Variants in PRMT8 observed in about 807,000 individuals in gnomAD.
PRMT8 encodes the protein protein arginine N-methyltransferase 8.
A neutral mutation model predicts 47.1 loss-of-function variants in PRMT8; 7 were observed. That is an observed-to-expected ratio of 0.15 (90% CI 0.08 to 0.28). The LOEUF (loss-of-function observed/expected upper bound fraction) is 0.28. Ranked by LOEUF, PRMT8 falls within the 10% of genes least tolerant of loss-of-function variation. The probability of loss-of-function intolerance (pLI) is 1.00; values close to 1 mark genes in which losing one functional copy is unlikely to be tolerated. For missense variants in PRMT8, 237 were observed against 505.4 expected (o/e 0.47, Z 5.09); for synonymous variants, 188 against 186.5 (o/e 1.01, Z -0.07).
intron 1 of PRMT8, among the ~76,000 whole-genome samples, chr12:3,387,718 G>A (rs1591535309): frequency 6.6e-6 from 1 of 152,210 alleles, no homozygotes; most frequent in Non-Finnish European, 1.5e-5. Context: ...GCAAACAGCT[G>A]GGAAGAATAT....
At chr12:3,543,646 T>C (rs1014413619) in intron 2 of PRMT8, among the ~76,000 whole-genome samples, 4 of 152,166 alleles carry the variant, frequency 2.6e-5, no homozygotes, top group East Asian at 1.9e-4. Flanking sequence ...CAGGGGACTA[T>C]TGGGGCTGGA....
At chr12:3,410,127 A>G (rs996738422) in intron 1 of PRMT8, among the ~76,000 whole-genome samples, 1 of 152,176 alleles carries the variant, frequency 6.6e-6, no homozygotes, top group African/African-American at 2.4e-5. Flanking sequence ...CAGCACCATA[A>G]AACTGCCAAA....
intron 1 of PRMT8, among the ~76,000 whole-genome samples, chr12:3,518,488 C>T (rs1005109904): frequency 7.3e-5 from 11 of 151,694 alleles, no homozygotes; most frequent in African/African-American, 2.7e-4. Flanking sequence ...ATTTTTGTAC[C>T]TGGGCTAAGG....
At chr12:3,489,880 C>CATCCTTCTCA (rs1865361106), upstream of PRMT8, among the ~76,000 whole-genome samples, 1 of 151,874 alleles carries the variant, frequency 6.6e-6, no homozygotes, top group Non-Finnish European at 1.5e-5. Flanking sequence ...GCTACATTTT[C>CATCCTTCTCA]ATCCTTCTCA....
intron 1 of PRMT8, among the ~76,000 whole-genome samples, chr12:3,441,435 C>T (rs901746670): frequency 2.0e-5 from 3 of 152,210 alleles, no homozygotes; most frequent in Admixed American, 6.5e-5. Flanking sequence ...AGCCAACCTC[C>T]CCTTCCTTTG....
intron 1 of PRMT8, among the ~76,000 whole-genome samples, chr12:3,464,391 A>T: frequency 6.6e-6 from 1 of 152,144 alleles, no homozygotes; most frequent in East Asian, 1.9e-4. Flanking sequence ...GCAGTGTCAC[A>T]CTTTCTTCAA....
chr12:3,426,247 G>C (rs1458492566), intron 1 of PRMT8, among the ~76,000 whole-genome samples: 1 of 152,222 alleles, frequency 6.6e-6, no homozygotes, highest in African/African-American at 2.4e-5. Context: ...CAGAGTATTT[G>C]ATCCATTCCA....
chr12:3,538,664 T>C lies in PRMT8; in HGVS notation c.76-1942T>C, dbSNP rs1397400850. The C allele has an allele frequency of 1.9e-6, 1 of 518,532 alleles. No individual in the cohort carries two copies. Among genetic ancestry groups the C allele is most frequent in the African/African-American group, 1.9e-5 (1 of 51,852 alleles). 32.1% of individuals were successfully genotyped at this position (518,532 alleles called of 1,614,324 possible). A position where few individuals can be genotyped will look rare whatever the true frequency, so the allele number is the denominator to read the frequency against. On this transcript the variant is annotated intron_variant, in intron 1 of 9. Coordinates refer to ENST00000382622, the MANE Select transcript of PRMT8 (RefSeq NM_019854.5). The surrounding 1 kb of genome is among the most constrained non-coding windows in gnomAD (Gnocchi z 4.6). ...CCTTCACATATTTAAATGGAGTCGA[T>C]ATTGGGGTCAGCTTCATGCACGGAG...
At chr12:3,381,545 G>A in intron 1 of PRMT8, 1 of 1,094,756 alleles carries the variant, frequency 9.1e-7, no homozygotes, top group Non-Finnish European at 1.3e-6. Context: ...TTTCCTCTTT[G>A]TCATCTGCAG....
intron 1 of PRMT8, among the ~76,000 whole-genome samples, chr12:3,469,953 C>A (rs1374842218): frequency 1.3e-5 from 2 of 152,170 alleles, no homozygotes; most frequent in African/African-American, 2.4e-5. Flanking sequence ...TGCCGAGGAG[C>A]ACACAGAGGA....
At chr12:3,411,913 G>A (rs1339088730) in intron 1 of PRMT8, among the ~76,000 whole-genome samples, 1 of 152,176 alleles carries the variant, frequency 6.6e-6, no homozygotes, top group Non-Finnish European at 1.5e-5. Flanking sequence ...TTCACTTATA[G>A]CAATAGAAAA....
chr12:3,409,577 G>T lies in PRMT8; in HGVS notation c.48+28135G>T, dbSNP rs528933569. On this transcript the variant is annotated intron_variant, in intron 1 of 9. Transcript: ENST00000452611. The surrounding 1 kb of genome is among the most constrained non-coding windows in gnomAD (Gnocchi z 4.4). The stretch of plus-strand genomic sequence containing the variant: ...GGTGCTTCAGCAGCTCCGAATCTGG[G>T]GTGGCTAGTCTAGTTCCAGGGAGGC... 5.8e-3 allele frequency among the ~76,000 whole-genome samples: 882 copies of T among 152,228 alleles called. 49 individuals carry two copies. In the South Asian group the frequency reaches 0.11, roughly 20 times the overall value.
At chr12:3,494,833 A>C (rs960496170) in intron 1 of PRMT8, among the ~76,000 whole-genome samples, 2 of 152,152 alleles carry the variant, frequency 1.3e-5, no homozygotes, top group African/African-American at 4.8e-5. Flanking sequence ...CTCTGACCTC[A>C]GTTCCCTTCT....
intron 1 of PRMT8, among the ~76,000 whole-genome samples, chr12:3,484,680 A>G (rs1382597835): frequency 2.6e-5 from 4 of 152,220 alleles, no homozygotes; most frequent in Non-Finnish European, 5.9e-5. Context: ...GTAAGACCAC[A>G]AAGCTCTTTC....
intron 4 of PRMT8, among the ~76,000 whole-genome samples, chr12:3,567,463 A>C (rs1312212278): frequency 1.3e-5 from 2 of 152,228 alleles, no homozygotes; most frequent in Non-Finnish European, 2.9e-5. Flanking sequence ...CAAATGCAAA[A>C]GCAATAGAGG....
intron 1 of PRMT8, among the ~76,000 whole-genome samples, chr12:3,402,106 C>T (rs1864323473): frequency 6.6e-6 from 1 of 150,860 alleles, no homozygotes; most frequent in Non-Finnish European, 1.5e-5. Context: ...GTAATTAAAA[C>T]AGCATGATAC....
intron 1 of PRMT8, among the ~76,000 whole-genome samples, chr12:3,482,618 G>A (rs1295948558): frequency 6.6e-6 from 1 of 152,230 alleles, no homozygotes; most frequent in Non-Finnish European, 1.5e-5. Context: ...TGTCACTTAA[G>A]TGGAGTTGCC....
chr12:3,399,630 T>C (rs1003432270), intron 1 of PRMT8, among the ~76,000 whole-genome samples: 1 of 152,110 alleles, frequency 6.6e-6, no homozygotes, highest in Non-Finnish European at 1.5e-5. Flanking sequence ...ATATCGTGAA[T>C]TGTGCTCTCC....
rs760662716 is a variant in PRMT8, at chr12:3,508,448, A to C, written c.75+16748A>C. ...GCTTCTGAGCTACACACAGGGTCTG[A>C]CATCTGAACGCGGGAGAGTGTGTTT... On this transcript the variant is annotated intron_variant, in intron 1 of 9. Transcript: ENST00000382622. This position sits in a 1 kb window ranked among gnomAD's most constrained non-coding sequence, Gnocchi z 4.9. Among the ~76,000 whole-genome samples the C allele has an allele frequency of 2.0e-5, 3 of 152,220 alleles. No individual in the cohort carries two copies. Among genetic ancestry groups the C allele is most frequent in the Non-Finnish European group, 4.4e-5 (3 of 68,042 alleles).
Sources: allele counts gnomAD v4.1 joint callset (sites outside exome capture counted in the v4.1 genomes callset), GRCh38; gene constraint gnomAD v4.1.1; non-coding constraint Gnocchi (gnomAD v3.1); transcripts MANE v1.5; gene names NCBI Gene and HGNC (gene_info 2026-07-23, HGNC 2026-07-21).